Variants in AGPAT5 observed in about 807,000 individuals in gnomAD.
AGPAT5 encodes the protein 1-acyl-sn-glycerol-3-phosphate acyltransferase epsilon.
Under a neutral mutation model 45.6 loss-of-function variants are expected in AGPAT5, and 46 were observed. The observed-to-expected ratio is 1.01, with a 90% CI of 0.80 to 1.29. AGPAT5 has a LOEUF of 1.29. Among genes scored for constraint, AGPAT5 ranks in the 50% most tolerant of loss-of-function variants. AGPAT5 has a pLI of 0.00. For missense variants in AGPAT5, 673 were observed against 450.7 expected, an observed-to-expected ratio of 1.49 and a Z score of -4.47; for synonymous variants, 272 against 167.0, an observed-to-expected ratio of 1.63 and a Z score of -4.85.
chr8:6,709,227 A>G, intron 1 of AGPAT5: 2 of 371,596 alleles, frequency 5.4e-6, no homozygotes, highest in South Asian at 2.3e-5. Context: ...CTTTGGTCCA[A>G]AGAGGTGGTC....
intron 4 of AGPAT5, among the ~76,000 whole-genome samples, chr8:6,738,887 C>T (rs1801145116): frequency 6.6e-6 from 1 of 151,560 alleles, no homozygotes. Flanking sequence ...TTAAGAAGTC[C>T]TTGCCAAACT....
At chr8:6,720,940 C>T (rs1175158958) in intron 1 of AGPAT5, among the ~76,000 whole-genome samples, 1 of 152,152 alleles carries the variant, frequency 6.6e-6, no homozygotes, top group Non-Finnish European at 1.5e-5. Flanking sequence ...CGTGATGGTC[C>T]AAACACCTAG....
rs78089274 is a variant in AGPAT5, at chr8:6,712,863, C to A, written c.219+3976C>A. ...AAGCTGATAAATGTTAATAGGATGT[C>A]TTCAAATGTCAGAATTCTTTTTTCT... is the stretch of plus-strand genomic sequence containing the variant. On this transcript the variant is annotated intron_variant, in intron 1 of 7. Coordinates refer to ENST00000285518, the MANE Select transcript of AGPAT5 (RefSeq NM_018361.5). Among the ~76,000 whole-genome samples, 443 of 152,244 alleles carry A rather than the reference C, an allele frequency of 2.9e-3. 1 individual carries two copies. The highest frequency in any genetic ancestry group is 3.9e-3 in the Non-Finnish European group (266 of 68,016).
chr8:6,732,509 C>A, intron 3 of AGPAT5, 52 bp from the exon 4 acceptor site: 2 of 1,483,578 alleles, frequency 1.3e-6, no homozygotes, highest in Non-Finnish European at 1.8e-6. Context: ...ATGACTCTGG[C>A]CAATTGTTAT....
At position 6,724,888 on chromosome 8, in the gene AGPAT5, T is replaced by C. The variant is rs1449636191; in HGVS notation, c.238T>C (p.Leu80=). The change falls in exon 2 of 8, where the codon TTG becomes CTG. Residue 80 remains leucine (L), a synonymous_variant. Coordinates refer to ENST00000285518, the MANE Select transcript of AGPAT5 (RefSeq NM_018361.5). ...CTTTTAGATATTGCTATATGGAGAT[T>C]TGCCAAAAAATAAAGAAAATATAAT... ...TGVQILLYGD[L]PKNKENIIYL... 1 of 1,135,306 alleles carries C rather than the reference T, an allele frequency of 8.8e-7. No individual in the cohort carries two copies. The highest frequency in any genetic ancestry group is 1.2e-6 in the Non-Finnish European group (1 of 853,268). The allele number at this position is 1,135,306 out of a possible 1,614,324, so 70.3% of individuals were successfully genotyped here.
Position 6,708,868 on chromosome 8 carries a change from A to G in AGPAT5, c.200A>G (p.Glu67Gly). The G allele has an allele frequency of 6.2e-7, 1 of 1,607,114 alleles. No homozygotes were observed. The highest frequency in any genetic ancestry group is 8.5e-7 in the Non-Finnish European group (1 of 1,177,328). Reference protein sequence around the residue: ...VYQSMVLFFFENYTGVQILLY... With the variant: ...VYQSMVLFFFGNYTGVQILLY... ...CAGAGCATGGTGCTCTTCTTCTTCG[A>G]GAATTACACCGGGGTCCAGGTGAGC... Residue 67 changes from glutamate to glycine, a missense_variant, in exon 1 of 8, where the codon GAG (glutamate) becomes GGG (glycine). Glu to Gly is a moderately conservative substitution (Grantham distance 98). Transcript: ENST00000285518.
chr8:6,742,690 TTTAA>T (rs1390384699), intron 5 of AGPAT5, among the ~76,000 whole-genome samples: 3 of 152,228 alleles, frequency 2.0e-5, no homozygotes, highest in Non-Finnish European at 4.4e-5. Context: ...TTAATTTTAG[TTTAA>T]TTAAAAATAA....
At chr8:6,755,531 G>T (rs1801806482) in intron 7 of AGPAT5, among the ~76,000 whole-genome samples, 1 of 152,244 alleles carries the variant, frequency 6.6e-6, no homozygotes, top group Non-Finnish European at 1.5e-5. Flanking sequence ...GTGAGGTCTG[G>T]CTGTTGGGCC....
intron 4 of AGPAT5, among the ~76,000 whole-genome samples, chr8:6,737,536 CTTA>C (rs1801096181): frequency 6.6e-6 from 1 of 152,138 alleles, no homozygotes; most frequent in African/African-American, 2.4e-5. Flanking sequence ...TCTTAAGGAA[CTTA>C]TTGGTTGTGG....
chr8:6,742,237 T>A (rs189232878), intron 5 of AGPAT5, among the ~76,000 whole-genome samples: 11 of 152,266 alleles, frequency 7.2e-5, no homozygotes, highest in Admixed American at 5.9e-4. Flanking sequence ...TGTGTGAGGA[T>A]TAGATTAGAA....
chr8:6,754,703 A>G (rs1021195811), intron 6 of AGPAT5, among the ~76,000 whole-genome samples: 2 of 152,098 alleles, frequency 1.3e-5, no homozygotes, highest in Non-Finnish European at 2.9e-5. Flanking sequence ...CCCTTCAGAG[A>G]GGTGAGTATG....
intron 1 of AGPAT5, among the ~76,000 whole-genome samples, chr8:6,718,599 C>A (rs928783493): frequency 6.6e-6 from 1 of 152,186 alleles, no homozygotes; most frequent in African/African-American, 2.4e-5. Context: ...CTGGGCAAGA[C>A]TATGTTGATT....
chr8:6,752,176 A>G (rs1224761758), intron 6 of AGPAT5, among the ~76,000 whole-genome samples: 1 of 150,920 alleles, frequency 6.6e-6, no homozygotes, highest in African/African-American at 2.4e-5. Context: ...GAATCCGCCT[A>G]AAAAAAAAGG....
At position 6,757,275 on chromosome 8, in the gene AGPAT5, T is replaced by G; in HGVS notation, c.982T>G (p.Leu328Val). 1 of 1,614,234 alleles carries G rather than the reference T, an allele frequency of 6.2e-7. No homozygotes were observed. Among genetic ancestry groups the G allele is most frequent in the South Asian group, 1.1e-5 (1 of 91,084 alleles). The stretch of plus-strand genomic sequence containing the variant: ...GAAGACTTTACCATCAATGTTGATC[T>G]TAAGTGGTTTGACTGCAGGCATGCT... Reference protein sequence around the residue: ...IKKTLPSMLILSGLTAGMLMT... With the variant: ...IKKTLPSMLIVSGLTAGMLMT... Residue 328 changes from leucine (L) to valine (V), a missense_variant, in exon 8 of 8, where the codon TTA becomes GTA. Leu to Val is a conservative substitution (Grantham distance 32). Transcript: ENST00000285518.
At chr8:6,746,411 G>A (rs1429569934) in intron 5 of AGPAT5, among the ~76,000 whole-genome samples, 1 of 152,134 alleles carries the variant, frequency 6.6e-6, no homozygotes, top group African/African-American at 2.4e-5. Flanking sequence ...CTAGCTTTCT[G>A]TCTTTATTTC....
chr8:6,756,054 A>C (rs1587072679), intron 7 of AGPAT5, among the ~76,000 whole-genome samples: 1 of 152,352 alleles, frequency 6.6e-6, no homozygotes, highest in East Asian at 1.9e-4. Flanking sequence ...ATTTTAAAAC[A>C]ATGATTATTG....
chr8:6,709,076 A>C, intron 1 of AGPAT5, 189 bp downstream of exon 1: 2 of 695,110 alleles, frequency 2.9e-6, no homozygotes, highest in Non-Finnish European at 5.1e-6. Context: ...CTCTCTAGGA[A>C]GCTGTGGCTG....
At chr8:6,713,643 C>A (rs1048460686) in intron 1 of AGPAT5, among the ~76,000 whole-genome samples, 4 of 152,136 alleles carry the variant, frequency 2.6e-5, no homozygotes, top group Non-Finnish European at 5.9e-5. Flanking sequence ...CAACCTCTGC[C>A]CCCGGGCTCA....
chr8:6,716,044 C>A (rs185827468), intron 1 of AGPAT5, among the ~76,000 whole-genome samples: 1 of 152,162 alleles, frequency 6.6e-6, no homozygotes, highest in Non-Finnish European at 1.5e-5. Flanking sequence ...TTAGACCGCT[C>A]CTCTCTGGAA....
Sources: gnomAD v4.1 joint callset for allele counts (sites outside exome capture counted in the v4.1 genomes callset) on GRCh38, gnomAD v4.1.1 for gene constraint, MANE v1.5 for transcripts, NCBI Gene and HGNC (gene_info 2026-07-23, HGNC 2026-07-21) for gene names.